Variants in SND1 observed in about 807,000 individuals in gnomAD.
The protein encoded by SND1 is staphylococcal nuclease domain-containing protein 1.
A neutral mutation model predicts 121.7 loss-of-function variants in SND1; 38 were observed. The observed-to-expected ratio is 0.31, with a 90% CI of 0.24 to 0.41. The LOEUF (loss-of-function observed/expected upper bound fraction) is 0.41. Ranked by LOEUF, SND1 falls within the 10% of genes least tolerant of loss-of-function variation. SND1 has a pLI of 1.00. For synonymous variants in SND1, 401 were observed against 447.4 expected (o/e 0.90, Z 1.31); for missense variants, 868 against 1,184.6 (o/e 0.73, Z 3.92).
chr7:127,801,708 G>A (rs10228031), intron 10 of SND1, among the ~76,000 whole-genome samples: 143,876 of 152,272 alleles, frequency 0.94, 68,417 homozygotes, highest in Non-Finnish European at 1. Context: ...CCTCCTTGCC[G>A]GGGAAGGTGC....
At chr7:127,863,294 G>T (rs1440651269) in intron 12 of SND1, among the ~76,000 whole-genome samples, 1 of 152,208 alleles carries the variant, frequency 6.6e-6, no homozygotes, top group Non-Finnish European at 1.5e-5. Context: ...CTTAAAAGCA[G>T]AGAAGACAGT....
At chr7:127,878,472 A>G (rs1360106921) in intron 12 of SND1, among the ~76,000 whole-genome samples, 2 of 152,190 alleles carry the variant, frequency 1.3e-5, no homozygotes, top group African/African-American at 2.4e-5. Context: ...GTTATAGACA[A>G]TTGGCTCTCA....
chr7:127,674,576 C>A (rs933954056), intron 1 of SND1, among the ~76,000 whole-genome samples: 1 of 152,248 alleles, frequency 6.6e-6, no homozygotes, highest in African/African-American at 2.4e-5. Context: ...CCAGCTTGCG[C>A]TGACCAAGGG....
At chr7:127,923,241 C>G (rs955925214) in intron 14 of SND1, among the ~76,000 whole-genome samples, 3 of 152,238 alleles carry the variant, frequency 2.0e-5, no homozygotes, top group Non-Finnish European at 4.4e-5. Flanking sequence ...GCTAGGATTA[C>G]AGGCATGCGC....
At chr7:128,008,833 A>C (rs1045792095) in intron 16 of SND1, among the ~76,000 whole-genome samples, 1 of 152,202 alleles carries the variant, frequency 6.6e-6, no homozygotes, top group African/African-American at 2.4e-5. Flanking sequence ...GGAACAAATC[A>C]TATTTTCCAG....
intron 16 of SND1, among the ~76,000 whole-genome samples, chr7:128,026,031 A>T (rs1158503388): frequency 6.6e-6 from 1 of 151,148 alleles, no homozygotes; most frequent in Non-Finnish European, 1.5e-5. Flanking sequence ...AAAAAAAAAG[A>T]AGGGTGTTAG....
chr7:127,928,300 G>A (rs1349709079), intron 14 of SND1: 1 of 152,108 alleles, frequency 6.6e-6, no homozygotes, highest in African/African-American at 2.4e-5. Context: ...AGATTTCCCT[G>A]GGTAGGAACA....
At chr7:127,663,784 C>G (rs1189231495) in intron 1 of SND1, among the ~76,000 whole-genome samples, 1 of 152,130 alleles carries the variant, frequency 6.6e-6, no homozygotes, top group Non-Finnish European at 1.5e-5. Flanking sequence ...AATCTGCTTT[C>G]TCTGGGTTCT....
intron 16 of SND1, among the ~76,000 whole-genome samples, chr7:128,033,083 G>T (rs1792679537): frequency 6.6e-6 from 1 of 152,172 alleles, no homozygotes; most frequent in Non-Finnish European, 1.5e-5. Context: ...GAAGGGAGGC[G>T]GGCGGCTGAG....
At chr7:127,920,739 A>G (rs928129886) in intron 14 of SND1, among the ~76,000 whole-genome samples, 1 of 152,084 alleles carries the variant, frequency 6.6e-6, no homozygotes, top group Non-Finnish European at 1.5e-5. Context: ...GAAGACAGGA[A>G]GAAAGCAAGC....
At chr7:127,680,085 A>G (rs1795690219) in intron 1 of SND1, among the ~76,000 whole-genome samples, 1 of 152,182 alleles carries the variant, frequency 6.6e-6, no homozygotes, top group Non-Finnish European at 1.5e-5. Flanking sequence ...GAGACGTCAC[A>G]TGTCGGTAGG....
chr7:128,060,490 T>A (rs1793212691), intron 16 of SND1, among the ~76,000 whole-genome samples: 2 of 152,214 alleles, frequency 1.3e-5, no homozygotes, highest in South Asian at 4.1e-4. Flanking sequence ...TTCTCTGCAG[T>A]GTCTTCACAA....
chr7:127,673,171 A>G (rs1349130746), intron 1 of SND1, among the ~76,000 whole-genome samples: 3 of 143,692 alleles, frequency 2.1e-5, no homozygotes, highest in Admixed American at 1.4e-4. Context: ...TATATCATAT[A>G]TAAACATATA....
intron 11 of SND1, among the ~76,000 whole-genome samples, chr7:127,808,189 A>G (rs1218317065): frequency 7.2e-6 from 1 of 139,494 alleles, no homozygotes; most frequent in African/African-American, 2.8e-5. Flanking sequence ...TTGAGACAAC[A>G]TCTCACTCTG....
intron 16 of SND1, chr7:128,028,553 T>C: frequency 1.1e-6 from 1 of 891,596 alleles, no homozygotes; most frequent in Non-Finnish European, 1.7e-6. Flanking sequence ...TAATCTGTTT[T>C]TTTTAACCAG....
chr7:127,813,360 G>T (rs918010723), intron 11 of SND1, among the ~76,000 whole-genome samples: 15 of 152,152 alleles, frequency 9.9e-5, no homozygotes, highest in Non-Finnish European at 2.2e-4. Context: ...GACTGGAGTT[G>T]CCTGTTTCTG....
At chr7:127,813,232 A>G (rs1173479150) in intron 11 of SND1, among the ~76,000 whole-genome samples, 1 of 152,222 alleles carries the variant, frequency 6.6e-6, no homozygotes, top group Non-Finnish European at 1.5e-5. Context: ...GTCAACATGC[A>G]TTGGAGACCA....
intron 16 of SND1, among the ~76,000 whole-genome samples, chr7:128,053,790 G>A (rs1793088717): frequency 6.6e-6 from 1 of 152,082 alleles, no homozygotes; most frequent in Non-Finnish European, 1.5e-5. Flanking sequence ...GGATTCTCTG[G>A]TATTGCTTCC....
chr7:128,060,344 C>T (rs1793210507), intron 16 of SND1, among the ~76,000 whole-genome samples: 1 of 152,090 alleles, frequency 6.6e-6, no homozygotes, highest in Non-Finnish European at 1.5e-5. Flanking sequence ...TGGGCCAGAG[C>T]AGAGGGTCCG....
Sources: allele counts gnomAD v4.1 joint callset (sites outside exome capture counted in the v4.1 genomes callset), GRCh38; gene constraint gnomAD v4.1.1; transcripts MANE v1.5; gene names NCBI Gene and HGNC (gene_info 2026-07-23, HGNC 2026-07-21).